The following GRIK2 variants were observed in gnomAD, a reference collection of about 807,000 sequenced individuals.
GRIK2 encodes the protein glutamate ionotropic receptor kainate type subunit 2, also known as glutamate receptor ionotropic, kainate 2.
A neutral mutation model predicts 100.3 loss-of-function variants in GRIK2; 32 were observed. The ratio of observed to expected loss-of-function variants is 0.32; its 90% CI spans 0.24 to 0.43. The LOEUF (loss-of-function observed/expected upper bound fraction) is 0.43. Ranked by LOEUF, GRIK2 falls within the 20% of genes least tolerant of loss-of-function variation. The probability of loss-of-function intolerance (pLI) is 1.00; values close to 1 mark genes in which losing one functional copy is unlikely to be tolerated. For missense variants in GRIK2, 843 were observed against 1,114.9 expected, an observed-to-expected ratio of 0.76 and a Z score of 3.47; for synonymous variants, 417 against 389.4, an observed-to-expected ratio of 1.07 and a Z score of -0.83.
chr6:101,964,877 G>T (rs1284682023), intron 14 of GRIK2, among the ~76,000 whole-genome samples: 1 of 152,140 alleles, frequency 6.6e-6, no homozygotes, highest in Non-Finnish European at 1.5e-5. Context: ...GTAGAGTCAG[G>T]CATAGAGAGA....
chr6:101,840,803 A>G (rs1043322747), intron 10 of GRIK2, among the ~76,000 whole-genome samples: 2 of 152,346 alleles, frequency 1.3e-5, no homozygotes, highest in Non-Finnish European at 2.9e-5. Flanking sequence ...AACAAAAAGC[A>G]TGAATTTATT....
intron 12 of GRIK2, among the ~76,000 whole-genome samples, chr6:101,900,320 CG>C (rs1787757875): frequency 6.6e-6 from 1 of 151,832 alleles, no homozygotes; most frequent in Non-Finnish European, 1.5e-5. Flanking sequence ...TAAAATTAGC[CG>C]GGCGTGGTGG....
At chr6:101,540,333 A>G (rs2128288189) in intron 2 of GRIK2, among the ~76,000 whole-genome samples, 1 of 152,040 alleles carries the variant, frequency 6.6e-6, no homozygotes, top group East Asian at 1.9e-4. Context: ...CTAGTACTTG[A>G]TGGCACAATA....
At chr6:101,419,785 A>G (rs975222958) in intron 2 of GRIK2, among the ~76,000 whole-genome samples, 2 of 152,110 alleles carry the variant, frequency 1.3e-5, no homozygotes, top group African/African-American at 2.4e-5. Flanking sequence ...CACTTCAACA[A>G]CTTGAATGTA....
At chr6:101,838,110 A>C (rs1410400848) in intron 10 of GRIK2, among the ~76,000 whole-genome samples, 2 of 152,202 alleles carry the variant, frequency 1.3e-5, no homozygotes, top group Admixed American at 6.5e-5. Flanking sequence ...ATGAACAAAC[A>C]GTTCTTGCTA....
intron 14 of GRIK2, among the ~76,000 whole-genome samples, chr6:101,966,147 G>C (rs1462298173): frequency 6.6e-6 from 1 of 152,024 alleles, no homozygotes; most frequent in South Asian, 2.1e-4. Flanking sequence ...TTATCAGAAT[G>C]TATATTTTAC....
chr6:101,797,079 G>A (rs908782918), intron 7 of GRIK2, among the ~76,000 whole-genome samples: 2 of 151,944 alleles, frequency 1.3e-5, no homozygotes, highest in African/African-American at 2.4e-5. Flanking sequence ...CTATATGTCA[G>A]TAAGTCATGA....
chr6:101,834,400 G>A (rs117349534), intron 10 of GRIK2, among the ~76,000 whole-genome samples: 1,534 of 151,158 alleles, frequency 0.01, 8 homozygotes, highest in Non-Finnish European at 0.017. Flanking sequence ...TTTTTGGAGC[G>A]TCTATTTCCC....
rs116818092 is a variant in GRIK2 at position 102,058,122 on chromosome 6, C to T, written c.2562+2542C>T. Among the ~76,000 whole-genome samples the T allele has an allele frequency of 2.6e-3, 394 of 151,956 alleles. 1 individual carries two copies. Among genetic ancestry groups the T allele is most frequent in the African/African-American group, 9.0e-3 (372 of 41,524 alleles). ...GGGAAGGTATTTTGCTCATTTCAAA[C>T]CATTTTCAGCATTAAGTCTAGATAT... is the stretch of plus-strand genomic sequence containing the variant. On this transcript the variant is annotated intron_variant, in intron 16 of 16. Transcript: ENST00000369134.
At chr6:101,792,916 C>T (rs1451174943) in intron 7 of GRIK2, among the ~76,000 whole-genome samples, 3 of 152,078 alleles carry the variant, frequency 2.0e-5, no homozygotes, top group South Asian at 2.1e-4. Flanking sequence ...TCTTTTTATT[C>T]TTTTTTCTCT....
At chr6:101,798,653 A>G (rs1344037062) in intron 7 of GRIK2, among the ~76,000 whole-genome samples, 1 of 151,826 alleles carries the variant, frequency 6.6e-6, no homozygotes, top group African/African-American at 2.4e-5. Flanking sequence ...CAGCTCACTA[A>G]TTGTGTGAAT....
intron 14 of GRIK2, among the ~76,000 whole-genome samples, chr6:101,974,361 A>G (rs1252308748): frequency 6.6e-6 from 1 of 151,998 alleles, no homozygotes; most frequent in Admixed American, 6.6e-5. Flanking sequence ...AGGTTATGAT[A>G]TCATAGAGAA....
chr6:101,702,296 C>T (rs914014178), intron 7 of GRIK2, among the ~76,000 whole-genome samples: 5 of 151,862 alleles, frequency 3.3e-5, no homozygotes, highest in Admixed American at 3.3e-4. Context: ...TTATGCAAAA[C>T]AGAAGAGGAA....
chr6:101,613,898 A>G (rs886768813), intron 2 of GRIK2, among the ~76,000 whole-genome samples: 1 of 151,816 alleles, frequency 6.6e-6, no homozygotes, highest in Non-Finnish European at 1.5e-5. Context: ...GAAGATAATC[A>G]TGTTTAAGTT....
chr6:101,647,348 A>G (rs1781578693), intron 4 of GRIK2, among the ~76,000 whole-genome samples: 1 of 152,006 alleles, frequency 6.6e-6, no homozygotes, highest in Non-Finnish European at 1.5e-5. Context: ...TCCACTGTAG[A>G]CAGTTAACTC....
At chr6:101,458,853 T>C (rs1370518536) in intron 2 of GRIK2, among the ~76,000 whole-genome samples, 3 of 152,198 alleles carry the variant, frequency 2.0e-5, no homozygotes, top group Admixed American at 2.0e-4. Flanking sequence ...ATTTCTTGAT[T>C]TTAAACTGAC....
intron 14 of GRIK2, among the ~76,000 whole-genome samples, chr6:101,940,374 A>G (rs1379570220): frequency 6.6e-6 from 1 of 152,174 alleles, no homozygotes; most frequent in Non-Finnish European, 1.5e-5. Context: ...GCCAGAGTGT[A>G]CATAATCATT....
intron 14 of GRIK2, among the ~76,000 whole-genome samples, chr6:101,969,566 C>CTGT (rs1199544763): frequency 2.4e-4 from 37 of 152,078 alleles, no homozygotes; most frequent in African/African-American, 8.7e-4. Flanking sequence ...ACAATTGCCG[C>CTGT]TGTTTGACAA....
At chr6:101,711,146 T>G (rs1562327010) in intron 7 of GRIK2, among the ~76,000 whole-genome samples, 1 of 151,822 alleles carries the variant, frequency 6.6e-6, no homozygotes, top group Non-Finnish European at 1.5e-5. Context: ...CAATTAACAT[T>G]TACTGTTTTT....
Sources: allele counts gnomAD v4.1 joint callset (sites outside exome capture counted in the v4.1 genomes callset), GRCh38; gene constraint gnomAD v4.1.1; transcripts MANE v1.5; gene names NCBI Gene and HGNC (gene_info 2026-07-23, HGNC 2026-07-21).